Variants in ROCK1 observed in about 807,000 individuals in gnomAD.
ROCK1 encodes rho-associated protein kinase 1.
Under a neutral mutation model 196.8 loss-of-function variants are expected in ROCK1, and 36 were observed. The observed-to-expected ratio is 0.18, with a 90% CI of 0.14 to 0.24. The LOEUF is 0.24. ROCK1 is among the 10% of genes least tolerant of loss of function. The pLI is 1.00. For synonymous variants in ROCK1, 443 were observed against 515.9 expected (o/e 0.86, Z 1.91); for missense variants, 920 against 1,562.0 (o/e 0.59, Z 6.93).
At chr18:21,092,278 T>C (rs890993111) in intron 1 of ROCK1, among the ~76,000 whole-genome samples, 5 of 152,206 alleles carry the variant, frequency 3.3e-5, no homozygotes, top group Admixed American at 6.5e-5. Flanking sequence ...ACTAAAAAAA[T>C]TGGATCAACC....
intron 16 of ROCK1, among the ~76,000 whole-genome samples, chr18:20,999,283 G>A (rs1254334055): frequency 6.6e-6 from 1 of 151,272 alleles, no homozygotes; most frequent in African/African-American, 2.4e-5. Flanking sequence ...AAGGCATTGA[G>A]TCCCACCAAG....
chr18:21,071,597 C>A (rs2036386387), intron 1 of ROCK1, among the ~76,000 whole-genome samples: 1 of 152,176 alleles, frequency 6.6e-6, no homozygotes, highest in Admixed American at 6.5e-5. Context: ...TGCTGCATGG[C>A]AGGAACTGGA....
At chr18:20,963,708 G>A (rs143397294) in intron 27 of ROCK1, among the ~76,000 whole-genome samples, 11 of 152,164 alleles carry the variant, frequency 7.2e-5, no homozygotes, top group Non-Finnish European at 1.5e-4. Context: ...TCCAAAAGAA[G>A]GAAAGAGAAA....
intron 27 of ROCK1, among the ~76,000 whole-genome samples, chr18:20,964,915 A>T (rs2035358784): frequency 6.6e-6 from 1 of 152,214 alleles, no homozygotes; most frequent in African/African-American, 2.4e-5. Flanking sequence ...CCTCATTAGC[A>T]GTCCCACCAG....
chr18:21,070,069 TAAATA>T (rs886966543), intron 2 of ROCK1, among the ~76,000 whole-genome samples: 2 of 150,266 alleles, frequency 1.3e-5, no homozygotes, highest in Non-Finnish European at 3.0e-5. Flanking sequence ...GAAACAGAAA[TAAATA>T]AAGTAAGGAG....
At chr18:21,098,910 A>G (rs958429578) in intron 1 of ROCK1, among the ~76,000 whole-genome samples, 4 of 152,230 alleles carry the variant, frequency 2.6e-5, no homozygotes, top group African/African-American at 7.2e-5. Context: ...TCACCTATTA[A>G]ATGGACAAAA....
chr18:21,027,857 G>A (rs1355106492), intron 10 of ROCK1, among the ~76,000 whole-genome samples: 1 of 142,656 alleles, frequency 7.0e-6, no homozygotes, highest in Non-Finnish European at 1.5e-5. Context: ...CGCCTCCCGG[G>A]TTCACGCCAT....
At chr18:21,021,485 G>A (rs2035912471) in intron 11 of ROCK1, among the ~76,000 whole-genome samples, 1 of 152,144 alleles carries the variant, frequency 6.6e-6, no homozygotes, top group Non-Finnish European at 1.5e-5. Context: ...GAACATAGAA[G>A]ATTTAGAAAT....
chr18:21,008,298 C>CA, intron 13 of ROCK1, 104 bp from the exon 14 acceptor site: 1 of 799,814 alleles, frequency 1.3e-6, no homozygotes, highest in East Asian at 2.8e-5. Flanking sequence ...AAAAAAAAGA[C>CA]AAACACTTAA....
chr18:21,074,169 C>CA (rs1393051925), intron 1 of ROCK1, among the ~76,000 whole-genome samples: 8 of 152,172 alleles, frequency 5.3e-5, no homozygotes, highest in South Asian at 2.1e-4. Flanking sequence ...AAAAATCAAT[C>CA]AGTCTGTCAA....
chr18:20,952,577 A>G (rs1185771529), intron 32 of ROCK1, among the ~76,000 whole-genome samples: 1 of 152,080 alleles, frequency 6.6e-6, no homozygotes. Context: ...CAGGAGTTTG[A>G]GATCAGCCTG....
chr18:21,018,119 C>A (rs1390615590), intron 12 of ROCK1, among the ~76,000 whole-genome samples: 1 of 152,040 alleles, frequency 6.6e-6, no homozygotes, highest in Non-Finnish European at 1.5e-5. Flanking sequence ...AATTTTATTT[C>A]CTTGAGGTGA....
intron 21 of ROCK1, among the ~76,000 whole-genome samples, chr18:20,981,222 G>T (rs1363004532): frequency 6.6e-6 from 1 of 151,824 alleles, no homozygotes; most frequent in Non-Finnish European, 1.5e-5. Context: ...GTGAAACCCC[G>T]TCTCTACTAA....
intron 16 of ROCK1, among the ~76,000 whole-genome samples, chr18:20,994,333 T>C (rs1168983929): frequency 1.3e-5 from 2 of 152,146 alleles, no homozygotes; most frequent in African/African-American, 4.8e-5. Flanking sequence ...AAATAAATGA[T>C]ATAATTATCT....
rs550135714 is a variant in ROCK1, at chr18:21,088,212, G to A, written c.94-17599C>T. 1.1e-4 allele frequency among the ~76,000 whole-genome samples: 17 copies of A among 152,356 alleles called. 1 individual carries two copies. The South Asian group carries it at 3.5e-3, about 32-fold the overall frequency. ...TAAATGATTAGAAAAGAGTAATGAT[G>A]GCCAGGCGCAGTGGCTCAGGCCAAT... On this transcript the variant is annotated intron_variant, in intron 1 of 32. Transcript: ENST00000399799.
chr18:21,044,511 C>A (rs1437765684), intron 5 of ROCK1, among the ~76,000 whole-genome samples: 2 of 151,978 alleles, frequency 1.3e-5, no homozygotes. Context: ...TAGGTAAGTA[C>A]ATAAAAAAAC....
intron 32 of ROCK1, among the ~76,000 whole-genome samples, chr18:20,951,917 T>C (rs1352294890): frequency 6.6e-6 from 1 of 152,134 alleles, no homozygotes; most frequent in Non-Finnish European, 1.5e-5. Context: ...GAAGGTGGTA[T>C]GTGGTAGAAT....
intron 12 of ROCK1, among the ~76,000 whole-genome samples, chr18:21,017,972 C>CA (rs1280220978): frequency 2.9e-5 from 4 of 138,308 alleles, no homozygotes; most frequent in African/African-American, 1.1e-4. Flanking sequence ...GACTCTGCCT[C>CA]AAAAAAAATA....
chr18:20,976,771 T>C (rs1452902701), intron 22 of ROCK1, among the ~76,000 whole-genome samples: 1 of 152,202 alleles, frequency 6.6e-6, no homozygotes, highest in Non-Finnish European at 1.5e-5. Context: ...TACAGTGGTA[T>C]CCATTTCTGT....
Sources: allele counts gnomAD v4.1 joint callset (sites outside exome capture counted in the v4.1 genomes callset), GRCh38; gene constraint gnomAD v4.1.1; transcripts MANE v1.5; gene names NCBI Gene and HGNC (gene_info 2026-07-23, HGNC 2026-07-21).